Variants in LINGO2 observed in about 807,000 individuals in gnomAD.
LINGO2 encodes the protein leucine rich repeat and Ig domain containing 2.
A neutral mutation model predicts 30.6 loss-of-function variants in LINGO2; 14 were observed. The ratio of observed to expected loss-of-function variants is 0.46; its 90% CI spans 0.30 to 0.72. LINGO2 has a LOEUF of 0.72. Among genes scored for constraint, LINGO2 ranks in the 30% least tolerant of loss-of-function variants. The pLI is 0.07. For synonymous variants in LINGO2, 317 were observed against 288.5 expected, an observed-to-expected ratio of 1.10 and a Z score of -1.00; for missense variants, 729 against 751.7, an observed-to-expected ratio of 0.97 and a Z score of 0.35.
intron 4 of LINGO2, among the ~76,000 whole-genome samples, chr9:28,117,377 C>T (rs1304629278): frequency 2.4e-5 from 3 of 123,370 alleles, no homozygotes; most frequent in African/African-American, 3.1e-5. Flanking sequence ...TGTCTGTGCC[C>T]TGCCCCCAGA....
intron 4 of LINGO2, among the ~76,000 whole-genome samples, chr9:28,282,362 A>C (rs1428202752): frequency 2.0e-5 from 3 of 151,982 alleles, no homozygotes; most frequent in Non-Finnish European, 4.4e-5. Flanking sequence ...GATGTGCAGA[A>C]TTTAGGACAA....
chr9:28,778,258 CTAAGT>C, the LINGO2 span, among the ~76,000 whole-genome samples: 5 of 152,024 alleles, frequency 3.3e-5, no homozygotes, highest in African/African-American at 4.8e-5. Flanking sequence ...TCTTGCCACT[CTAAGT>C]TAAGATTTGG....
At chr9:28,061,700 T>C (rs1825149659) in intron 4 of LINGO2, among the ~76,000 whole-genome samples, 1 of 152,020 alleles carries the variant, frequency 6.6e-6, no homozygotes, top group African/African-American at 2.4e-5. Context: ...TCCTTCTGAA[T>C]AGTAGAATTT....
At position 28,300,170 on chromosome 9, in the gene LINGO2, G is replaced by A. The variant is rs573170076; in HGVS notation, c.-245-4804C>T. ...AAAGACACAAAGAGAAGACTGTGTT[G>A]ATAGACTATGACAAAACCCCTGATT... On this transcript the variant is annotated intron_variant, in intron 3 of 5. Coordinates refer to ENST00000379992, the Ensembl canonical transcript of LINGO2. Among the ~76,000 whole-genome samples the A allele has an allele frequency of 2.0e-5, 3 of 150,394 alleles. No homozygotes were observed. In the South Asian group the frequency reaches 6.3e-4, roughly 32 times the overall value.
chr9:28,388,549 T>A (rs184358393), intron 2 of LINGO2, among the ~76,000 whole-genome samples: 1 of 152,344 alleles, frequency 6.6e-6, no homozygotes, highest in Admixed American at 6.5e-5. Flanking sequence ...CAATTTTATT[T>A]GTTCCACATC....
At chr9:28,514,863 T>A (rs1009575542) in intron 1 of LINGO2, among the ~76,000 whole-genome samples, 4 of 152,052 alleles carry the variant, frequency 2.6e-5, no homozygotes, top group African/African-American at 9.7e-5. Flanking sequence ...TTTAAGCCAA[T>A]GCTCATTTGC....
intron 4 of LINGO2, among the ~76,000 whole-genome samples, chr9:28,195,905 AG>A (rs1819994478): frequency 6.6e-6 from 1 of 151,816 alleles, no homozygotes; most frequent in East Asian, 1.9e-4. Context: ...ATAAGTTATC[AG>A]CAAATCAAAT....
intron 1 of LINGO2, among the ~76,000 whole-genome samples, chr9:28,570,565 A>G (rs1247433923): frequency 6.6e-6 from 1 of 151,766 alleles, no homozygotes; most frequent in Non-Finnish European, 1.5e-5. Context: ...TATCAGAAGC[A>G]TATAACTTTT....
the LINGO2 span, among the ~76,000 whole-genome samples, chr9:28,769,050 T>C: frequency 6.6e-6 from 1 of 152,228 alleles, no homozygotes; most frequent in African/African-American, 2.4e-5. Context: ...ATGTTACTAA[T>C]ACTATCACTA....
chr9:28,828,723 G>A, the LINGO2 span, among the ~76,000 whole-genome samples: 2 of 152,128 alleles, frequency 1.3e-5, no homozygotes, highest in Non-Finnish European at 2.9e-5. Context: ...TAATCTAGAG[G>A]AAGACAGGCA....
intron 4 of LINGO2, among the ~76,000 whole-genome samples, chr9:28,021,598 T>G (rs1823125939): frequency 6.6e-6 from 1 of 152,132 alleles, no homozygotes; most frequent in Non-Finnish European, 1.5e-5. Context: ...TGTTAAAGTT[T>G]CCAACAATAA....
the LINGO2 span, among the ~76,000 whole-genome samples, chr9:29,190,024 G>A: frequency 3.8e-4 from 53 of 141,274 alleles, no homozygotes; most frequent in African/African-American, 1.3e-3. Context: ...GAGGGAGACC[G>A]TGGGGAGGGA....
chr9:28,812,217 A>G, the LINGO2 span, among the ~76,000 whole-genome samples: 1 of 152,134 alleles, frequency 6.6e-6, no homozygotes, highest in Admixed American at 6.6e-5. Context: ...TGTCAAATTT[A>G]AATAAATAAA....
the LINGO2 span, among the ~76,000 whole-genome samples, chr9:29,029,959 T>A: frequency 2.6e-5 from 4 of 152,040 alleles, no homozygotes; most frequent in Non-Finnish European, 5.9e-5. Flanking sequence ...GTTTAGAAAT[T>A]CCTTTGCACC....
At chr9:28,990,684 G>A in the LINGO2 span, among the ~76,000 whole-genome samples, 3 of 152,128 alleles carry the variant, frequency 2.0e-5, no homozygotes, top group Non-Finnish European at 2.9e-5. Flanking sequence ...TCAGACAGCA[G>A]CATTCGCGGT....
At chr9:29,085,963 T>G in the LINGO2 span, among the ~76,000 whole-genome samples, 3 of 152,144 alleles carry the variant, frequency 2.0e-5, no homozygotes, top group Non-Finnish European at 2.9e-5. Flanking sequence ...TAAGTGCATT[T>G]GTGCCCGTTG....
intron 2 of LINGO2, among the ~76,000 whole-genome samples, chr9:28,379,668 T>C (rs569247972): frequency 3.4e-4 from 52 of 152,238 alleles, no homozygotes; most frequent in African/African-American, 1.3e-3. Context: ...TGCTTTATTA[T>C]TATACCTGTA....
exon 6 of LINGO2, chr9:27,949,604 A>G (rs1418838868): frequency 6.2e-7 from 1 of 1,614,050 alleles, no homozygotes; most frequent in Non-Finnish European, 8.5e-7. Context: ...CACAGGCCAG[A>G]GGGTTGTTGT....
At chr9:27,956,965 T>A (rs532979467) in intron 5 of LINGO2, among the ~76,000 whole-genome samples, 1 of 152,136 alleles carries the variant, frequency 6.6e-6, no homozygotes, top group East Asian at 1.9e-4. Context: ...CATGGTGGCA[T>A]GCATCTGTAT....
Sources: allele counts gnomAD v4.1 joint callset (sites outside exome capture counted in the v4.1 genomes callset), GRCh38; gene constraint gnomAD v4.1.1; transcripts MANE v1.5; gene names NCBI Gene and HGNC (gene_info 2026-07-23, HGNC 2026-07-21).